The following SLC7A14 variants were observed in gnomAD, a reference collection of about 807,000 sequenced individuals.
The protein encoded by SLC7A14 is gamma-aminobutyric acid transporter SLC7A14.
Under a neutral mutation model 60.2 loss-of-function variants are expected in SLC7A14, and 37 were observed. The ratio of observed to expected loss-of-function variants is 0.61; its 90% CI spans 0.47 to 0.81. SLC7A14 has a LOEUF of 0.81. Ranked by LOEUF, SLC7A14 falls within the 30% of genes least tolerant of loss-of-function variation. The probability of loss-of-function intolerance (pLI) is 0.00; values close to 1 mark genes in which losing one functional copy is unlikely to be tolerated. For synonymous variants in SLC7A14, 399 were observed against 395.8 expected, an observed-to-expected ratio of 1.01 and a Z score of -0.10; for missense variants, 886 against 982.7, an observed-to-expected ratio of 0.90 and a Z score of 1.32.
chr3:170,498,478 A>G (rs760821523), intron 4 of SLC7A14, among the ~76,000 whole-genome samples, 189 bp downstream of exon 4: 2 of 151,370 alleles, frequency 1.3e-5, no homozygotes, highest in African/African-American at 2.4e-5. Flanking sequence ...ATGCCTGTGG[A>G]AAAAAAAACA....
intron 1 of SLC7A14, among the ~76,000 whole-genome samples, chr3:170,565,116 A>G (rs959377753): frequency 3.9e-5 from 6 of 152,152 alleles, no homozygotes; most frequent in Admixed American, 2.0e-4. Context: ...GTTGTTTCAC[A>G]AGAAAGAGAA....
intron 1 of SLC7A14, among the ~76,000 whole-genome samples, chr3:170,576,541 A>T (rs1331934344): frequency 6.6e-6 from 1 of 152,124 alleles, no homozygotes; most frequent in East Asian, 1.9e-4. Context: ...TTATTGGTAA[A>T]CTTACTGGAA....
intron 4 of SLC7A14, among the ~76,000 whole-genome samples, chr3:170,497,766 G>T (rs1274458793): frequency 6.6e-6 from 1 of 152,212 alleles, no homozygotes; most frequent in Non-Finnish European, 1.5e-5. Context: ...AAAGAAACCA[G>T]GTGCAACTCA....
intron 1 of SLC7A14, among the ~76,000 whole-genome samples, chr3:170,551,387 C>T (rs1367998741): frequency 6.6e-6 from 1 of 152,036 alleles, no homozygotes; most frequent in Admixed American, 6.6e-5. Flanking sequence ...TTTGTGTGGA[C>T]ATTCGTTTTC....
Position 170,466,889 on chromosome 3 carries a change from A to G in SLC7A14, c.*166T>C, listed in dbSNP as rs1024258929. 2 of 622,266 alleles carry G rather than the reference A, an allele frequency of 3.2e-6. No individual in the cohort carries two copies. The highest frequency in any genetic ancestry group is 5.6e-6 in the Non-Finnish European group (2 of 357,800). 38.5% of individuals were successfully genotyped at this position (622,266 alleles called of 1,614,324 possible). A position where few individuals can be genotyped will look rare whatever the true frequency, so the allele number is the denominator to read the frequency against. ...GACCCAGGTTAAGCCCTTCAACAGAACTATCCTGAAGAGCAAAAGTAGCAA... is the reference window on the plus strand; with the variant it reads ...GACCCAGGTTAAGCCCTTCAACAGAGCTATCCTGAAGAGCAAAAGTAGCAA... On this transcript the variant is annotated 3_prime_UTR_variant, in exon 8 of 8. Transcript: ENST00000231706.
intron 1 of SLC7A14, among the ~76,000 whole-genome samples, chr3:170,582,128 T>C (rs1000342243): frequency 7.9e-5 from 12 of 152,180 alleles, no homozygotes; most frequent in African/African-American, 2.9e-4. Flanking sequence ...GCACACTCCT[T>C]CATAGCCTAA....
At chr3:170,504,312 A>AT (rs1560261666) in intron 2 of SLC7A14, among the ~76,000 whole-genome samples, 1 of 152,106 alleles carries the variant, frequency 6.6e-6, no homozygotes, top group East Asian at 1.9e-4. Flanking sequence ...ATTTTATTTT[A>AT]TTTTTTTAAT....
In SLC7A14 at chr3:170,491,876, A is replaced by G. The variant is rs555838743; in HGVS notation, c.760-5508T>C. Among the ~76,000 whole-genome samples the G allele has an allele frequency of 6.6e-5, 10 of 152,316 alleles. No individual in the cohort carries two copies. In the South Asian group the frequency reaches 2.1e-3, roughly 32 times the overall value. ...GTCTGGGGAGCGGAGGCAAATGGAG[A>G]AGAAAGACCAACACACCTACCAGGG... On this transcript the variant is annotated intron_variant, in intron 4 of 7. Coordinates refer to ENST00000231706, the MANE Select transcript of SLC7A14 (RefSeq NM_020949.3).
intron 1 of SLC7A14, among the ~76,000 whole-genome samples, chr3:170,576,846 G>A (rs1715105563): frequency 6.6e-6 from 1 of 152,140 alleles, no homozygotes; most frequent in Non-Finnish European, 1.5e-5. Context: ...TCCAGTATCT[G>A]TGACAATATA....
Position 170,501,353 on chromosome 3 carries a change from G to A in SLC7A14, c.305-8C>T, listed in dbSNP as rs2108280827. 6.2e-7 allele frequency: 1 copy of A among 1,612,348 alleles called. No homozygotes were observed. Among genetic ancestry groups the A allele is most frequent in the Non-Finnish European group, 8.5e-7 (1 of 1,178,380 alleles). On this transcript the variant is annotated splice_polypyrimidine_tract_variant and splice_region_variant and intron_variant, in intron 2 of 7. Transcript: ENST00000231706. ...ACTCTGCATAGCAGACGCCTGCAAG[G>A]GACAGACATACACAGATGGTGGACT...
chr3:170,557,219 A>G (rs1714510133), intron 1 of SLC7A14, among the ~76,000 whole-genome samples: 1 of 151,816 alleles, frequency 6.6e-6, no homozygotes, highest in African/African-American at 2.4e-5. Flanking sequence ...GCCATCCAGG[A>G]CTTTCTAACA....
Position 170,526,975 on chromosome 3 carries a change from A to T in SLC7A14, c.-39T>A. On this transcript the variant is annotated 5_prime_UTR_variant, in exon 2 of 8. Transcript: ENST00000231706. ...GGATGCAGTGAAGGTCAGCTGATGGAAGGGGGCTACAAAGCCTTAGTGGAT... is the reference window on the plus strand; with the variant it reads ...GGATGCAGTGAAGGTCAGCTGATGGTAGGGGGCTACAAAGCCTTAGTGGAT... The T allele has an allele frequency of 6.3e-7, 1 of 1,579,422 alleles. No homozygotes were observed.
rs79668755 is a variant in SLC7A14, at chr3:170,480,891, C to T, written c.1391G>A (p.Cys464Tyr). ...GILADCEKEA[C>Y]SPVSEGDEFS... ...CTCATCCCCCTCACTCACAGGAGAACAAGCTTCCTTCTCACAGTCAGCCAG... is the reference window on the plus strand; with the variant it reads ...CTCATCCCCCTCACTCACAGGAGAATAAGCTTCCTTCTCACAGTCAGCCAG... Residue 464 changes from cysteine (C) to tyrosine (Y), a missense_variant, in exon 7 of 8, where the codon TGT becomes TAT. Coordinates refer to ENST00000231706, the MANE Select transcript of SLC7A14 (RefSeq NM_020949.3). 2 of 1,614,074 alleles carry T rather than the reference C, an allele frequency of 1.2e-6. No homozygotes were observed. The highest frequency in any genetic ancestry group is 1.7e-6 in the Non-Finnish European group (2 of 1,180,028).
chr3:170,541,766 T>C (rs1474268014), intron 1 of SLC7A14, among the ~76,000 whole-genome samples: 1 of 152,212 alleles, frequency 6.6e-6, no homozygotes, highest in Non-Finnish European at 1.5e-5. Context: ...ATTAGATTGG[T>C]GCAAGAGTAA....
At chr3:170,537,323 C>T (rs1332264157) in intron 1 of SLC7A14, among the ~76,000 whole-genome samples, 1 of 152,132 alleles carries the variant, frequency 6.6e-6, no homozygotes, top group Non-Finnish European at 1.5e-5. Flanking sequence ...CTCTCTGATC[C>T]CCTGCTCCCC....
intron 4 of SLC7A14, chr3:170,495,842 C>A: frequency 8.7e-7 from 1 of 1,150,590 alleles, no homozygotes; most frequent in Non-Finnish European, 1.3e-6. Context: ...TGGCTCGGAT[C>A]AACGTATTTG....
In SLC7A14 at chr3:170,571,969, G is replaced by C. The variant is rs144943827; in HGVS notation, c.-153+13942C>G. On this transcript the variant is annotated intron_variant, in intron 1 of 7. Transcript: ENST00000231706. ...CCAACTACTCAGGAGGCTGAGGCAG[G>C]AGAATCACTTGAGCCCAGGAAATGG... Among the ~76,000 whole-genome samples the C allele has an allele frequency of 9.4e-5, 14 of 149,298 alleles. No individual in the cohort carries two copies. The East Asian group carries it at 2.8e-3, about 30-fold the overall frequency.
chr3:170,486,799 G>A (rs1216254743), intron 4 of SLC7A14, among the ~76,000 whole-genome samples: 1 of 150,748 alleles, frequency 6.6e-6, no homozygotes, highest in Non-Finnish European at 1.5e-5. Flanking sequence ...TTGAACCCAG[G>A]AGGCAGAGGT....
intron 1 of SLC7A14, 81 bp from the exon 2 acceptor site, chr3:170,527,169 T>G (rs1713535501): frequency 1.8e-6 from 1 of 564,882 alleles, no homozygotes; most frequent in Non-Finnish European, 3.2e-6. Context: ...TGGAGGTTAA[T>G]GTCCTGAACT....
Sources: gnomAD v4.1 joint callset for allele counts (sites outside exome capture counted in the v4.1 genomes callset) on GRCh38, gnomAD v4.1.1 for gene constraint, MANE v1.5 for transcripts, NCBI Gene and HGNC (gene_info 2026-07-23, HGNC 2026-07-21) for gene names.